The following CACNA2D4 variants were observed in gnomAD, a reference collection of about 807,000 sequenced individuals.
CACNA2D4 encodes the protein calcium voltage-gated channel auxiliary subunit alpha2delta 4.
In CACNA2D4, 157 loss-of-function variants were observed where a neutral mutation model predicts 163.8. That is an observed-to-expected ratio of 0.96 (90% confidence interval 0.84 to 1.09). CACNA2D4 has a LOEUF of 1.09. Among genes scored for constraint, CACNA2D4 ranks in the 50% least tolerant of loss-of-function variants. The pLI is 0.00. For missense variants in CACNA2D4, 1,410 were observed against 1,479.9 expected (o/e 0.95, Z 0.78); for synonymous variants, 598 against 586.9 (o/e 1.02, Z -0.27).
Position 1,902,412 on chromosome 12 carries a change from G to A in CACNA2D4, c.781+5028C>T, listed in dbSNP as rs375052946. 1.6e-4 allele frequency among the ~76,000 whole-genome samples: 24 copies of A among 152,006 alleles called. No individual in the cohort carries two copies. In the South Asian group the frequency reaches 4.6e-3, roughly 29 times the overall value. The stretch of plus-strand genomic sequence containing the variant: ...AATTAAGGGACTCCAAATTCGAAAG[G>A]AATAAGTCAAATTATCCTTATTTGC... On this transcript the variant is annotated intron_variant, in intron 6 of 37. Coordinates refer to ENST00000382722, the MANE Select transcript of CACNA2D4 (RefSeq NM_172364.5).
At position 1,834,472 on chromosome 12, in the gene CACNA2D4, GCC is replaced by G; in HGVS notation, c.2551+6265_2551+6266del. 1 of 1,610,356 alleles carries G rather than the reference GCC, an allele frequency of 6.2e-7. No homozygotes were observed. Among genetic ancestry groups the G allele is most frequent in the Non-Finnish European group, 8.5e-7 (1 of 1,179,836 alleles). ...AGCCCGGGGCTGAGCCGGAGCCGGA[GCC>G]CAGCACAGCCTGCCCACAGAAGCAG... is the stretch of plus-strand genomic sequence containing the variant. On this transcript the variant is annotated intron_variant, in intron 26 of 37. Coordinates refer to ENST00000382722, the MANE Select transcript of CACNA2D4 (RefSeq NM_172364.5). This position sits in a 1 kb window ranked among gnomAD's most constrained non-coding sequence, Gnocchi z 7.6.
chr12:1,865,826 CTGCTATATA>C (rs1361401986), intron 18 of CACNA2D4, among the ~76,000 whole-genome samples: 1 of 152,228 alleles, frequency 6.6e-6, no homozygotes, highest in African/African-American at 2.4e-5. Flanking sequence ...TTTCTGTTTG[CTGCTATATA>C]TGCAAATAAC....
chr12:1,799,182 C>G lies in CACNA2D4; in HGVS notation c.2995+493G>C, dbSNP rs531708617. On this transcript the variant is annotated intron_variant, in intron 34 of 37. Transcript: ENST00000382722. This position sits in a 1 kb window ranked among gnomAD's most constrained non-coding sequence, Gnocchi z 4.7. ...AGGCCAGGCTCATTGCCGCCCTGCA[C>G]GTGTGGCCACAGCCACCGGGCTTTG... 6.6e-6 allele frequency among the ~76,000 whole-genome samples: 1 copy of G among 152,230 alleles called. No individual in the cohort carries two copies. Among genetic ancestry groups the G allele is most frequent in the Non-Finnish European group, 1.5e-5 (1 of 68,044 alleles).
Position 1,875,012 on chromosome 12 carries a change from G to A in CACNA2D4, c.1806+239C>T, listed in dbSNP as rs1281147616. 6.6e-6 allele frequency among the ~76,000 whole-genome samples: 1 copy of A among 152,212 alleles called. No individual in the cohort carries two copies. The highest frequency in any genetic ancestry group is 1.9e-4 in the East Asian group (1 of 5,206). On this transcript the variant is annotated intron_variant, in intron 17 of 37. Coordinates refer to ENST00000382722, the MANE Select transcript of CACNA2D4 (RefSeq NM_172364.5). This position sits in a 1 kb window ranked among gnomAD's most constrained non-coding sequence, Gnocchi z 4.0. Reference sequence around the variant, plus strand: ...CTCAGACTCTGCAGCTTATACACATGATCTCATCCAGCCTCAGTAGTCCTT... The same window carrying A: ...CTCAGACTCTGCAGCTTATACACATAATCTCATCCAGCCTCAGTAGTCCTT...
intron 26 of CACNA2D4, among the ~76,000 whole-genome samples, chr12:1,840,330 A>G (rs1239877728): frequency 1.3e-5 from 2 of 148,444 alleles, no homozygotes; most frequent in Admixed American, 1.3e-4. Flanking sequence ...GTAATGCTCT[A>G]TTAACCCGCC....
intron 6 of CACNA2D4, among the ~76,000 whole-genome samples, chr12:1,889,290 G>A (rs1297147778): frequency 2.6e-5 from 4 of 152,164 alleles, no homozygotes; most frequent in Non-Finnish European, 1.5e-5. Context: ...ATGAGGGAAT[G>A]GTGAACAAAT....
Position 1,793,272 on chromosome 12 carries a change from AG to A in CACNA2D4, c.*382del. The A allele has an allele frequency of 4.7e-6, 1 of 214,492 alleles. No homozygotes were observed. The highest frequency in any genetic ancestry group is 9.4e-6 in the Non-Finnish European group (1 of 106,232). 13.3% of individuals were successfully genotyped at this position (214,492 alleles called of 1,614,324 possible). A position where few individuals can be genotyped will look rare whatever the true frequency, so the allele number is the denominator to read the frequency against. On this transcript the variant is annotated 3_prime_UTR_variant, in exon 38 of 38. Transcript: ENST00000382722. The stretch of plus-strand genomic sequence containing the variant: ...TCTACCAGAGACCACTCCGACAGAA[AG>A]GGTCAGAAACAACTGACCCTTTCTT...
intron 26 of CACNA2D4, among the ~76,000 whole-genome samples, chr12:1,818,787 TA>T (rs1184186630): frequency 0.029 from 1,818 of 62,810 alleles, 58 homozygotes; most frequent in African/African-American, 0.11. Context: ...ATAAATAAAT[TA>T]AAAAAAAAAA....
intron 11 of CACNA2D4, 33 bp from the exon 12 acceptor site, chr12:1,884,354 A>G (rs1866082861): frequency 6.4e-7 from 1 of 1,558,598 alleles, no homozygotes; most frequent in East Asian, 2.2e-5. Flanking sequence ...ACTCAGCAGC[A>G]AAATTCCCGG....
At position 1,810,573 on chromosome 12, in the gene CACNA2D4, A is replaced by G; in HGVS notation, c.2628T>C (p.Asp876=). The G allele has an allele frequency of 6.4e-7, 1 of 1,553,582 alleles. No homozygotes were observed. The highest frequency in any genetic ancestry group is 8.7e-7 in the Non-Finnish European group (1 of 1,147,982). The stretch of plus-strand genomic sequence containing the variant: ...CCTCGCAGCTCTGTGTGCACGGCCC[A>G]TCCACAGTGCTGCACTGGAAGGAAG... The part of the protein sequence containing the change: ...WAATRQCSTV[D]GPCTQSCEDS... Residue 876 remains aspartate, a synonymous_variant, in exon 28 of 38, where the codon GAT becomes GAC. Transcript: ENST00000382722.
At chr12:1,801,911 C>T (rs1343703721) in intron 29 of CACNA2D4, among the ~76,000 whole-genome samples, 1 of 151,998 alleles carries the variant, frequency 6.6e-6, no homozygotes, top group African/African-American at 2.4e-5. Flanking sequence ...GTAGAGGCTG[C>T]AATGTGATTT....
At chr12:1,805,520 C>T (rs1592655972) in intron 29 of CACNA2D4, among the ~76,000 whole-genome samples, 1 of 152,186 alleles carries the variant, frequency 6.6e-6, no homozygotes, top group Non-Finnish European at 1.5e-5. Flanking sequence ...GGATCAGTTT[C>T]CTTTTGTCTG....
intron 31 of CACNA2D4, 53 bp downstream of exon 31, chr12:1,800,990 G>T (rs1863300173): frequency 9.1e-6 from 14 of 1,541,900 alleles, no homozygotes; most frequent in Non-Finnish European, 1.3e-5. Flanking sequence ...TTCCAGGACA[G>T]GGCAGAGGAC....
rs1476433399 is a variant in CACNA2D4, at chr12:1,918,346, G to C, written c.128C>G (p.Ala43Gly). 6.2e-7 allele frequency: 1 copy of C among 1,608,530 alleles called. No homozygotes were observed. Among genetic ancestry groups the C allele is most frequent in the African/African-American group, 1.3e-5 (1 of 74,862 alleles). ...RWIPLQPMPV[A>G]WAFVQKTSAL... The stretch of plus-strand genomic sequence containing the variant: ...CGAGGTCTTCTGCACAAAGGCCCAG[G>C]CCACGGGCATTGGCTGGAGGGGAAT... Residue 43 changes from alanine to glycine, a missense_variant, in exon 1 of 38, where the codon GCC becomes GGC. Ala to Gly is a moderately conservative substitution (Grantham distance 60, BLOSUM62 0). Coordinates refer to ENST00000382722, the MANE Select transcript of CACNA2D4 (RefSeq NM_172364.5).
intron 29 of CACNA2D4, chr12:1,809,466 G>C: frequency 1.4e-6 from 1 of 693,634 alleles, no homozygotes; most frequent in South Asian, 1.5e-5. Context: ...CAGGCAGGAG[G>C]CGGTTCTGAT....
intron 35 of CACNA2D4, 62 bp from the exon 36 acceptor site, chr12:1,795,842 A>G (rs1489190778): frequency 4.7e-6 from 5 of 1,066,516 alleles, no homozygotes; most frequent in Non-Finnish European, 5.8e-6. Flanking sequence ...GCTTCTAGGG[A>G]AGGAACTTCT....
intron 6 of CACNA2D4, among the ~76,000 whole-genome samples, chr12:1,889,030 T>C (rs1866218058): frequency 6.6e-6 from 1 of 152,216 alleles, no homozygotes; most frequent in Non-Finnish European, 1.5e-5. Context: ...GTTAAACTGG[T>C]AGATTTTCCC....
intron 34 of CACNA2D4, 64 bp from the exon 35 acceptor site, chr12:1,797,599 G>A: frequency 2.5e-6 from 3 of 1,195,914 alleles, no homozygotes; most frequent in South Asian, 1.3e-5. Context: ...ACCTCGCCTC[G>A]GCACTCCCAG....
Position 1,909,820 on chromosome 12 carries a change from T to TGCGCCGCC in CACNA2D4, c.486+85_486+86insGGCGGCGC, listed in dbSNP as rs1866769430. Reference sequence around the variant, plus strand: ...CTATGGAATCAGTGGATCGCCACCCTACGCCGCCACCCTATGCCGCCACCC... The same window carrying TGCGCCGCC: ...CTATGGAATCAGTGGATCGCCACCCTGCGCCGCCACGCCGCCACCCTATGCCGCCACCC... On this transcript the variant is annotated intron_variant, in intron 4 of 37. Coordinates refer to ENST00000382722, the MANE Select transcript of CACNA2D4 (RefSeq NM_172364.5). 11 of 1,130,758 alleles carry TGCGCCGCC rather than the reference T, an allele frequency of 9.7e-6. No homozygotes were observed. The South Asian group carries it at 1.2e-4, about 12-fold the overall frequency. The allele number at this position is 1,130,758 out of a possible 1,614,324, so 70.0% of individuals were successfully genotyped here. A position where few individuals can be genotyped will look rare whatever the true frequency, so the allele number is the denominator to read the frequency against.
Sources: allele counts gnomAD v4.1 joint callset (sites outside exome capture counted in the v4.1 genomes callset), GRCh38; gene constraint gnomAD v4.1.1; non-coding constraint Gnocchi (gnomAD v3.1); transcripts MANE v1.5; gene names NCBI Gene and HGNC (gene_info 2026-07-23, HGNC 2026-07-21).